The following STS variants were observed in gnomAD, a reference collection of about 807,000 sequenced individuals.
STS encodes the protein steroid sulfatase, also known as steryl-sulfatase.
A neutral mutation model predicts 26.8 loss-of-function variants in STS; 7 were observed. The observed-to-expected ratio is 0.26, with a 90% CI of 0.15 to 0.49. The LOEUF is 0.49. Among genes scored for constraint, STS ranks in the 20% least tolerant of loss-of-function variants. The pLI, the probability that STS is intolerant of heterozygous loss-of-function variation, is 0.98. For missense variants in STS, 434 were observed against 465.6 expected, an observed-to-expected ratio of 0.93 and a Z score of 0.63; for synonymous variants, 199 against 189.4, an observed-to-expected ratio of 1.05 and a Z score of -0.42.
At chrX:7,254,840 C>T (rs1236465903) in intron 3 of STS, among the ~76,000 whole-genome samples, 1 of 110,720 alleles carries the variant, frequency 9.0e-6, no homozygotes, top group Non-Finnish European at 1.9e-5. Context: ...GCCTCGGCCT[C>T]CCAAAGTGCT....
At chrX:7,148,334 C>T (rs779703703) in intron 1 of STS, 5 of 255,240 alleles carry the variant, frequency 2.0e-5, no homozygotes, top group Non-Finnish European at 3.5e-5. Flanking sequence ...GCTGCAGACC[C>T]GGGATGCGGC....
chrX:7,197,848 C>G (rs1933998950), intron 2 of STS, among the ~76,000 whole-genome samples: 1 of 111,423 alleles, frequency 9.0e-6, no homozygotes, highest in Non-Finnish European at 1.9e-5. Flanking sequence ...GTTCAAACCC[C>G]TCTAACACTA....
chrX:7,336,996 A>G (rs1928065054), intron 10 of STS, among the ~76,000 whole-genome samples: 1 of 111,995 alleles, frequency 8.9e-6, no homozygotes, highest in African/African-American at 3.2e-5. Flanking sequence ...TAGACTCTGA[A>G]TGCAATTCCT....
chrX:7,257,215 AC>A, intron 3 of STS, 26 bp from the exon 4 acceptor site: 1 of 1,209,368 alleles, frequency 8.3e-7, no homozygotes, highest in East Asian at 3.0e-5. Flanking sequence ...GAAAATGATC[AC>A]AAATGCTATG....
At chrX:7,198,181 C>A in intron 2 of STS, among the ~76,000 whole-genome samples, 1 of 111,250 alleles carries the variant, frequency 9.0e-6, no homozygotes, top group South Asian at 3.8e-4. Context: ...TTACCCAAAT[C>A]ACGCTCTCTG....
chrX:7,329,153 C>T lies in STS; in HGVS notation c.1241+3655C>T, dbSNP rs1162069174. Among the ~76,000 whole-genome samples, 4 of 112,465 alleles carry T rather than the reference C, an allele frequency of 3.6e-5. No individual in the cohort carries two copies. In the Admixed American group the frequency reaches 3.8e-4, roughly 11 times the overall value. ...GCCTTATGGGAATAGAATTATCACA[C>T]AGTACCTTATTTAAAGCATATTGCC... On this transcript the variant is annotated intron_variant, in intron 9 of 10. Coordinates refer to ENST00000674429, the MANE Select transcript of STS (RefSeq NM_001320752.2).
rs1297001462 is a variant in STS, at chrX:7,148,018, G to T, written c.-199G>T. 4.6e-6 allele frequency: 5 copies of T among 1,091,327 alleles called. No individual in the cohort carries two copies. The South Asian group carries it at 1.0e-4, about 22-fold the overall frequency. 89.9% of individuals were successfully genotyped at this position (1,091,327 alleles called of 1,213,427 possible). On this transcript the variant is annotated 5_prime_UTR_variant, in exon 1 of 11. Transcript: ENST00000674429. ...ACCGTCCCCACGCCCACACAAGACC[G>T]CCCTTACTGGAGGCGGCGGCTGCAC... is the stretch of plus-strand genomic sequence containing the variant.
At chrX:7,171,437 G>T (rs1320309781) in intron 1 of STS, among the ~76,000 whole-genome samples, 1 of 111,606 alleles carries the variant, frequency 9.0e-6, no homozygotes, top group Middle Eastern at 4.2e-3. Flanking sequence ...GGACAGAAAT[G>T]GGCAGAGGAT....
intron 2 of STS, among the ~76,000 whole-genome samples, chrX:7,214,931 G>GTATA (rs1445039963): frequency 7.6e-5 from 7 of 91,876 alleles, no homozygotes; most frequent in African/African-American, 2.8e-4. Flanking sequence ...GTGTGTGTGT[G>GTATA]TATATATATA....
intron 1 of STS, among the ~76,000 whole-genome samples, chrX:7,181,420 A>G (rs1471844678): frequency 1.8e-5 from 2 of 112,554 alleles, no homozygotes; most frequent in African/African-American, 6.4e-5. Context: ...GTGCAGGGCA[A>G]GACACATGAA....
intron 2 of STS, among the ~76,000 whole-genome samples, chrX:7,208,432 T>C (rs1334611611): frequency 8.9e-6 from 1 of 112,231 alleles, no homozygotes; most frequent in East Asian, 2.8e-4. Flanking sequence ...TCTTTAAATA[T>C]TTTGTGTTGA....
At chrX:7,275,624 C>A (rs1478377564) in intron 6 of STS, among the ~76,000 whole-genome samples, 2 of 110,966 alleles carry the variant, frequency 1.8e-5, no homozygotes, top group Non-Finnish European at 3.8e-5. Context: ...GAAGGAAGAA[C>A]AGAATTAAAC....
chrX:7,334,256 CCCT>C (rs1216856003), intron 10 of STS, 149 bp downstream of exon 10: 22 of 809,487 alleles, frequency 2.7e-5, no homozygotes, highest in Admixed American at 4.7e-5. Flanking sequence ...GTCCTCTTTT[CCCT>C]CCTCCTCCTC....
intron 1 of STS, among the ~76,000 whole-genome samples, chrX:7,182,487 C>T (rs1464166206): frequency 9.1e-6 from 1 of 109,919 alleles, no homozygotes; most frequent in Non-Finnish European, 1.9e-5. Context: ...TGACCTTTCA[C>T]CACTCTGGTC....
At chrX:7,321,643 T>G (rs906521154) in intron 8 of STS, among the ~76,000 whole-genome samples, 5 of 112,390 alleles carry the variant, frequency 4.4e-5, no homozygotes, top group African/African-American at 1.6e-4. Flanking sequence ...GGCATTTATT[T>G]CCAGTTGACT....
intron 2 of STS, among the ~76,000 whole-genome samples, chrX:7,198,201 A>T (rs980915298): frequency 9.0e-6 from 1 of 111,058 alleles, no homozygotes; most frequent in Non-Finnish European, 1.9e-5. Flanking sequence ...GTGCATTTGG[A>T]GACTGAGTTT....
intron 1 of STS, among the ~76,000 whole-genome samples, chrX:7,157,000 A>G (rs748997856): frequency 6.3e-5 from 7 of 111,775 alleles, no homozygotes; most frequent in Admixed American, 5.7e-4. Flanking sequence ...GAAGCTGGCA[A>G]ATGGCTTGGA....
intron 8 of STS, among the ~76,000 whole-genome samples, chrX:7,305,408 T>A (rs185163958): frequency 8.9e-6 from 1 of 112,279 alleles, no homozygotes; most frequent in East Asian, 2.8e-4. Flanking sequence ...AGAGTATGTA[T>A]CTCCAAATGT....
At chrX:7,174,410 G>A (rs1404387262) in intron 1 of STS, among the ~76,000 whole-genome samples, 1 of 111,406 alleles carries the variant, frequency 9.0e-6, no homozygotes, top group African/African-American at 3.3e-5. Flanking sequence ...AACCCATCAC[G>A]CTCACCCTCC....
Sources: gnomAD v4.1 joint callset for allele counts (sites outside exome capture counted in the v4.1 genomes callset) on GRCh38, gnomAD v4.1.1 for gene constraint, MANE v1.5 for transcripts, NCBI Gene and HGNC (gene_info 2026-07-23, HGNC 2026-07-21) for gene names.